The following RIN3 variants were observed in gnomAD, a reference collection of about 807,000 sequenced individuals.
The protein encoded by RIN3 is Ras and Rab interactor 3, also known as RAB5 interacting protein 3.
In RIN3, 54 loss-of-function variants were observed where a neutral mutation model predicts 76.3. The ratio of observed to expected loss-of-function variants is 0.71; its 90% CI spans 0.57 to 0.89. RIN3 has a LOEUF of 0.89. RIN3 is among the 40% of genes least tolerant of loss of function. The pLI is 0.00. For missense variants in RIN3, 1,256 were observed against 1,322.1 expected (o/e 0.95, Z 0.78); for synonymous variants, 576 against 564.0 (o/e 1.02, Z -0.30).
In RIN3 at chr14:92,615,447, C is replaced by T. The variant is rs945051899; in HGVS notation, c.408C>T (p.Ile136=). ...LEGSALVFED[I]FRLIAFYCVS... is the part of the protein sequence containing the mutation. The stretch of plus-strand genomic sequence containing the variant: ...GCTCGGCTCTTGTGTTTGAGGACAT[C>T]TTCAGATTGATTGCGTTCTACTGTG... Residue 136 remains isoleucine (I), a synonymous_variant, in exon 4 of 10, where the codon ATC becomes ATT. Transcript: ENST00000216487. 2 of 1,614,200 alleles carry T rather than the reference C, an allele frequency of 1.2e-6. No homozygotes were observed. The highest frequency in any genetic ancestry group is 1.7e-6 in the Non-Finnish European group (2 of 1,180,020).
chr14:92,671,779 G>T (rs563573669), intron 7 of RIN3, among the ~76,000 whole-genome samples: 1 of 152,168 alleles, frequency 6.6e-6, no homozygotes, highest in Non-Finnish European at 1.5e-5. Context: ...CTCACCCGTG[G>T]CCCTGTGGAC....
intron 1 of RIN3, among the ~76,000 whole-genome samples, chr14:92,547,144 C>G (rs1566836713): frequency 1.6e-5 from 1 of 62,956 alleles, no homozygotes; most frequent in East Asian, 2.8e-4. Context: ...AGTAAATTAT[C>G]TTTATTTTAT....
In RIN3 at chr14:92,537,634, C is replaced by CTTTTTTTTTTTTTTTTTTTTTTTTTTTT. The variant is rs576683908; in HGVS notation, c.45-18090_45-18089insTTTTTTTTTTTTTTTTTTTTTTTTTTTT. On this transcript the variant is annotated intron_variant, in intron 1 of 9. Coordinates refer to ENST00000216487, the MANE Select transcript of RIN3 (RefSeq NM_024832.5). The stretch of plus-strand genomic sequence containing the variant: ...CAGCTATAAGTGAGTGCCTTAGGGA[C>CTTTTTTTTTTTTTTTTTTTTTTTTTTTT]TTTTTTTTTTTTTTTTTTTTTTTTT... 9.7e-5 allele frequency among the ~76,000 whole-genome samples: 5 copies of CTTTTTTTTTTTTTTTTTTTTTTTTTTTT among 51,636 alleles called. 1 individual carries two copies. Among genetic ancestry groups the CTTTTTTTTTTTTTTTTTTTTTTTTTTTT allele is most frequent in the Non-Finnish European group, 1.4e-4 (4 of 29,558 alleles). The allele number at this position is 51,636 out of a possible 152,430, so 33.9% of individuals were successfully genotyped here.
intron 2 of RIN3, among the ~76,000 whole-genome samples, chr14:92,574,793 T>C (rs1017871544): frequency 4.6e-5 from 7 of 152,174 alleles, no homozygotes; most frequent in African/African-American, 7.2e-5. Context: ...TAATGATTCA[T>C]TGTGCTGCTG....
chr14:92,597,496 C>T (rs1158757222), intron 3 of RIN3, among the ~76,000 whole-genome samples: 2 of 152,192 alleles, frequency 1.3e-5, no homozygotes, highest in Admixed American at 6.5e-5. Context: ...AACAGACAGG[C>T]AGACCTAGAT....
rs187580746 is a variant in RIN3, at chr14:92,634,134, G to T, written c.441-7104G>T. Among the ~76,000 whole-genome samples the T allele has an allele frequency of 1.9e-3, 281 of 144,338 alleles. 2 individuals carry two copies. The highest frequency in any genetic ancestry group is 0.01 in the South Asian group (47 of 4,550). The allele number at this position is 144,338 out of a possible 152,430, so 94.7% of individuals were successfully genotyped here. ...TTGTTGCCCAGGCTGGAGTGCAATG[G>T]TATGATCTTGGCTCACTGCAACCTC... On this transcript the variant is annotated intron_variant, in intron 4 of 9. Coordinates refer to ENST00000216487, the MANE Select transcript of RIN3 (RefSeq NM_024832.5).
chr14:92,561,746 G>A (rs1207999291), intron 2 of RIN3, among the ~76,000 whole-genome samples: 4 of 152,154 alleles, frequency 2.6e-5, no homozygotes, highest in Admixed American at 1.3e-4. Flanking sequence ...GTGCAGTGGC[G>A]CGATCATGGC....
Position 92,656,212 on chromosome 14 carries a change from T to A in RIN3, c.2027-2949T>A, listed in dbSNP as rs923491767. On this transcript the variant is annotated intron_variant, in intron 6 of 9. Coordinates refer to ENST00000216487, the MANE Select transcript of RIN3 (RefSeq NM_024832.5). This position sits in a 1 kb window ranked among gnomAD's most constrained non-coding sequence, Gnocchi z 5.2. The stretch of plus-strand genomic sequence containing the variant: ...CAGGGATGCTAAGCCGTGGAAAGGG[T>A]AGTGGAAGGACTTTCCTTCCGGAAA... Among the ~76,000 whole-genome samples the A allele has an allele frequency of 1.3e-5, 2 of 151,474 alleles. No homozygotes were observed. Among genetic ancestry groups the A allele is most frequent in the Non-Finnish European group, 2.9e-5 (2 of 67,846 alleles).
At position 92,688,060 on chromosome 14, in the gene RIN3, G is replaced by T; in HGVS notation, c.2766G>T (p.Arg922=). 1 of 1,603,150 alleles carries T rather than the reference G, an allele frequency of 6.2e-7. No homozygotes were observed. The change falls in exon 10 of 10, where the codon CGG becomes CGT. Residue 922 remains arginine, a synonymous_variant. Coordinates refer to ENST00000216487, the MANE Select transcript of RIN3 (RefSeq NM_024832.5). ...KFAVERPQAH[R]LFVLVDGRCF... ...CGGTGGAGCGGCCGCAGGCGCACCGGCTGTTCGTGCTGGTGGACGGGCGCT... is the reference window on the plus strand; with the variant it reads ...CGGTGGAGCGGCCGCAGGCGCACCGTCTGTTCGTGCTGGTGGACGGGCGCT...
chr14:92,539,821 A>C (rs1897092051), intron 1 of RIN3, among the ~76,000 whole-genome samples: 2 of 152,150 alleles, frequency 1.3e-5, no homozygotes, highest in Admixed American at 1.3e-4. Context: ...GAGCCCAAGG[A>C]GAAGGCAGAG....
At chr14:92,566,560 A>C (rs1897920916) in intron 2 of RIN3, among the ~76,000 whole-genome samples, 1 of 152,198 alleles carries the variant, frequency 6.6e-6, no homozygotes, top group African/African-American at 2.4e-5. Context: ...GTCAGGGCAC[A>C]TTGCCGCCAG....
chr14:92,609,869 GTGTGTGTGTGTGTGTGTATGTA>G (rs1220575117), intron 3 of RIN3, among the ~76,000 whole-genome samples: 3 of 146,386 alleles, frequency 2.0e-5, no homozygotes, highest in Non-Finnish European at 4.6e-5. Flanking sequence ...GTGTGTGTGT[GTGTGTGTGTGTGTGTGTATGTA>G]TGTGTGTTTC....
chr14:92,525,734 G>A (rs889314149), intron 1 of RIN3, among the ~76,000 whole-genome samples: 4 of 152,182 alleles, frequency 2.6e-5, no homozygotes, highest in African/African-American at 9.7e-5. Flanking sequence ...AGACTCTCAG[G>A]CAGCGTCAGG....
rs764019413 is a variant in RIN3 at position 92,577,340 on chromosome 14, AT to A, written c.250-19del. On this transcript the variant is annotated intron_variant, in intron 2 of 9. Transcript: ENST00000216487. ...CCAAATCTTTAATTCACGGAGCTGC[AT>A]CCCCTTCTTTGGTTTCAGATGTTCC... The A allele has an allele frequency of 6.4e-7, 1 of 1,567,528 alleles. No individual in the cohort carries two copies. Among genetic ancestry groups the A allele is most frequent in the Non-Finnish European group, 8.8e-7 (1 of 1,138,552 alleles).
In RIN3 at chr14:92,652,881, A is replaced by C. The variant is rs749429992; in HGVS notation, c.1832A>C (p.Asp611Ala). 1.9e-6 allele frequency: 3 copies of C among 1,614,074 alleles called. No individual in the cohort carries two copies. In the South Asian group the frequency reaches 3.3e-5, roughly 18 times the overall value. Residue 611 changes from aspartate (D) to alanine (A), a missense_variant, in exon 6 of 10, where the codon GAC becomes GCC. Asp to Ala is a moderately radical substitution (Grantham distance 126, BLOSUM62 -2). Around this residue, in one of 3 missense-constraint regions of RIN3, gnomAD observed 428 missense variants for 521.2 expected, o/e 0.82. Coordinates refer to ENST00000216487, the MANE Select transcript of RIN3 (RefSeq NM_024832.5). The surrounding 1 kb of genome is among the most constrained non-coding windows in gnomAD (Gnocchi z 6.4). Reference sequence around the variant, plus strand: ...AAGAAGGTGGTGGAGCTGGCGCAGGACAAGGGCTCGTACTTTGGCAGCCTG... The same window carrying C: ...AAGAAGGTGGTGGAGCTGGCGCAGGCCAAGGGCTCGTACTTTGGCAGCCTG... Reference protein sequence around the residue: ...LYKKVVELAQDKGSYFGSLVQ... With the variant: ...LYKKVVELAQAKGSYFGSLVQ...
intron 2 of RIN3, among the ~76,000 whole-genome samples, chr14:92,557,939 G>T (rs72697253): frequency 0.035 from 5,380 of 152,354 alleles, 123 homozygotes; most frequent in Non-Finnish European, 0.051. Flanking sequence ...CAGGGCAGGT[G>T]TGTGGATGGG....
At chr14:92,589,957 T>C (rs1884922654) in intron 3 of RIN3, among the ~76,000 whole-genome samples, 1 of 152,232 alleles carries the variant, frequency 6.6e-6, no homozygotes, top group Non-Finnish European at 1.5e-5. Flanking sequence ...GAGAGACTAA[T>C]AGGCAAATGC....
intron 2 of RIN3, among the ~76,000 whole-genome samples, chr14:92,561,044 A>AAAATATATATATATATATATATAT (rs1555383856): frequency 1.2e-4 from 3 of 24,402 alleles, no homozygotes; most frequent in Non-Finnish European, 2.4e-4. Context: ...AAAAAAAAAA[A>AAAATATATATATATATATATATAT]ATATATATAT....
At chr14:92,558,749 G>A (rs182206146) in intron 2 of RIN3, among the ~76,000 whole-genome samples, 56 of 152,358 alleles carry the variant, frequency 3.7e-4, no homozygotes, top group African/African-American at 6.5e-4. Flanking sequence ...CACACATCTC[G>A]TGGTTATCCC....
Sources: allele counts gnomAD v4.1 joint callset (sites outside exome capture counted in the v4.1 genomes callset), GRCh38; gene constraint gnomAD v4.1.1; regional missense constraint gnomAD v4.1.1; non-coding constraint Gnocchi (gnomAD v3.1); transcripts MANE v1.5; gene names NCBI Gene and HGNC (gene_info 2026-07-23, HGNC 2026-07-21).